NFKB1: variants seen among roughly 807,000 people sequenced by gnomAD.
NFKB1 encodes nuclear factor kappa B subunit 1.
NFKB1 carries 9 observed loss-of-function variants against 105.1 expected under a neutral mutation model. That is an observed-to-expected ratio of 0.09 (90% CI 0.05 to 0.15). The LOEUF is 0.15. Ranked by LOEUF, NFKB1 falls within the 10% of genes least tolerant of loss-of-function variation. The probability of loss-of-function intolerance (pLI) is 1.00; values close to 1 mark genes in which losing one functional copy is unlikely to be tolerated. For synonymous variants in NFKB1, 440 were observed against 442.2 expected (o/e 1.00, Z 0.06); for missense variants, 830 against 1,203.7 (o/e 0.69, Z 4.59).
intron 1 of NFKB1, chr4:102,510,789 T>A: frequency 3.9e-6 from 1 of 254,712 alleles, no homozygotes; most frequent in South Asian, 9.0e-5. Context: ...GCTAGATTGA[T>A]TCAAGGTCTC....
Position 102,611,781 on chromosome 4 carries a change from C to T in NFKB1, c.2353-263C>T, listed in dbSNP as rs550030399. Among the ~76,000 whole-genome samples the T allele has an allele frequency of 2.6e-5, 4 of 152,330 alleles. No individual in the cohort carries two copies. The East Asian group carries it at 7.7e-4, about 29-fold the overall frequency. On this transcript the variant is annotated intron_variant, in intron 20 of 23. Transcript: ENST00000226574. Reference sequence around the variant, plus strand: ...CTTCCAAAAGGCTATAGCTCTGACTCTCTGCAGTTTGGTTGGGTATTCTGA... The same window carrying T: ...CTTCCAAAAGGCTATAGCTCTGACTTTCTGCAGTTTGGTTGGGTATTCTGA...
intron 3 of NFKB1, among the ~76,000 whole-genome samples, chr4:102,530,295 C>T (rs1320317760): frequency 6.6e-6 from 1 of 152,068 alleles, no homozygotes; most frequent in Non-Finnish European, 1.5e-5. Flanking sequence ...ACCAGTGTGC[C>T]AGTCACTGGG....
intron 5 of NFKB1, among the ~76,000 whole-genome samples, chr4:102,542,207 A>G (rs997061023): frequency 9.2e-5 from 14 of 152,154 alleles, no homozygotes; most frequent in African/African-American, 3.1e-4. Context: ...CCTGTTTCGC[A>G]TAGGTGTAGG....
chr4:102,592,303 C>CTTT (rs1327979953), intron 11 of NFKB1, among the ~76,000 whole-genome samples: 1 of 152,222 alleles, frequency 6.6e-6, no homozygotes, highest in African/African-American at 2.4e-5. Context: ...GAAGTTAAAA[C>CTTT]TGTGGATAAA....
At chr4:102,520,779 A>T (rs1344240744) in intron 1 of NFKB1, among the ~76,000 whole-genome samples, 5 of 152,020 alleles carry the variant, frequency 3.3e-5, no homozygotes, top group Non-Finnish European at 7.4e-5. Flanking sequence ...TAAAGTTGAA[A>T]TTTTTCTATT....
At chr4:102,530,203 A>C (rs976481532) in intron 3 of NFKB1, among the ~76,000 whole-genome samples, 1 of 152,126 alleles carries the variant, frequency 6.6e-6, no homozygotes, top group Non-Finnish European at 1.5e-5. Flanking sequence ...TATTCCTTTT[A>C]AGTCCTTTCT....
chr4:102,542,753 T>C (rs1385211578), intron 5 of NFKB1, among the ~76,000 whole-genome samples: 1 of 152,222 alleles, frequency 6.6e-6, no homozygotes, highest in African/African-American at 2.4e-5. Flanking sequence ...AGGGCAAACA[T>C]AGGTTCAAAC....
chr4:102,555,795 C>G (rs1487139625), intron 5 of NFKB1, among the ~76,000 whole-genome samples: 1 of 152,122 alleles, frequency 6.6e-6, no homozygotes, highest in Non-Finnish European at 1.5e-5. Flanking sequence ...CCAAATCATG[C>G]AAGGATTTAA....
chr4:102,551,349 T>TGG (rs2149143655), intron 5 of NFKB1, among the ~76,000 whole-genome samples: 1 of 128,086 alleles, frequency 7.8e-6, no homozygotes, highest in African/African-American at 3.8e-5. Flanking sequence ...TCTAAATTGG[T>TGG]GTGTGTGTGT....
intron 5 of NFKB1, among the ~76,000 whole-genome samples, chr4:102,544,770 A>G (rs1722009014): frequency 6.6e-6 from 1 of 152,218 alleles, no homozygotes; most frequent in East Asian, 1.9e-4. Context: ...GAGAAAACCT[A>G]TCACACAGAT....
rs376562815 is a variant in NFKB1 at position 102,576,961 on chromosome 4, G to A, written c.493G>A (p.Gly165Ser). 2.5e-6 allele frequency: 4 copies of A among 1,613,866 alleles called. No individual in the cohort carries two copies. Among genetic ancestry groups the A allele is most frequent in the Non-Finnish European group, 3.4e-6 (4 of 1,179,952 alleles). The stretch of plus-strand genomic sequence containing the variant: ...ACGAATGACAGAGGCGTGTATAAGG[G>A]GCTATAATCCTGGACTCTTGGTGCA... ...EARMTEACIR[G>S]YNPGLLVHPD... Residue 165 changes from glycine (G) to serine (S), a missense_variant, in exon 7 of 24, where the codon GGC becomes AGC. Physicochemically the swap from Gly to Ser is moderately conservative, Grantham distance 56. Around this residue, in one of 8 missense-constraint regions of NFKB1, gnomAD observed 80 missense variants for 122.6 expected, o/e 0.65. Coordinates refer to ENST00000226574, the MANE Select transcript of NFKB1 (RefSeq NM_003998.4).
intron 1 of NFKB1, among the ~76,000 whole-genome samples, chr4:102,509,804 T>C (rs1578701295): frequency 6.6e-6 from 1 of 152,300 alleles, no homozygotes; most frequent in South Asian, 2.1e-4. Flanking sequence ...AATCCATCCC[T>C]TCCTCGTTGA....
At chr4:102,530,505 T>C (rs1223072801) in intron 3 of NFKB1, among the ~76,000 whole-genome samples, 1 of 152,142 alleles carries the variant, frequency 6.6e-6, no homozygotes, top group Non-Finnish European at 1.5e-5. Flanking sequence ...AAAAAAGTGA[T>C]TTATTTGTAT....
chr4:102,603,916 T>G (rs1193828264), intron 16 of NFKB1, among the ~76,000 whole-genome samples: 1 of 152,230 alleles, frequency 6.6e-6, no homozygotes, highest in Non-Finnish European at 1.5e-5. Context: ...CTTTTTCTCC[T>G]TTCATTCTCC....
intron 5 of NFKB1, among the ~76,000 whole-genome samples, chr4:102,540,912 T>C (rs767427738): frequency 6.6e-6 from 1 of 152,206 alleles, no homozygotes; most frequent in Non-Finnish European, 1.5e-5. Flanking sequence ...GAAAAAATTG[T>C]TCTCCATGCA....
chr4:102,585,235 G>C (rs1725622280), intron 11 of NFKB1, among the ~76,000 whole-genome samples: 2 of 152,134 alleles, frequency 1.3e-5, no homozygotes, highest in Non-Finnish European at 1.5e-5. Context: ...GAAAAGATCA[G>C]TTAGTCACCT....
At chr4:102,576,142 C>A (rs779427262) in intron 6 of NFKB1, among the ~76,000 whole-genome samples, 2 of 152,018 alleles carry the variant, frequency 1.3e-5, no homozygotes, top group Non-Finnish European at 2.9e-5. Context: ...AAATATGTAG[C>A]CTTCGTGAGA....
chr4:102,600,806 A>G (rs1727082382), intron 15 of NFKB1, 89 bp from the exon 16 acceptor site: 1 of 815,434 alleles, frequency 1.2e-6, no homozygotes, highest in Non-Finnish European at 2.1e-6. Flanking sequence ...ATGAGAGCAG[A>G]TTCCATTCTT....
chr4:102,577,651 A>G, intron 7 of NFKB1: 1 of 184,158 alleles, frequency 5.4e-6, no homozygotes, highest in Non-Finnish European at 1.0e-5. Context: ...TCCAGTCGTC[A>G]TCTGATACTC....
Sources: allele counts gnomAD v4.1 joint callset (sites outside exome capture counted in the v4.1 genomes callset), GRCh38; gene constraint gnomAD v4.1.1; regional missense constraint gnomAD v4.1.1; transcripts MANE v1.5; gene names NCBI Gene and HGNC (gene_info 2026-07-23, HGNC 2026-07-21).